Variants in L2HGDH observed in about 807,000 individuals in gnomAD.
L2HGDH encodes the protein L-2-hydroxyglutarate dehydrogenase.
L2HGDH carries 34 observed loss-of-function variants against 51.5 expected under a neutral mutation model. That is an observed-to-expected ratio of 0.66 (90% CI 0.50 to 0.88). L2HGDH has a LOEUF of 0.88. Among genes scored for constraint, L2HGDH ranks in the 40% least tolerant of loss-of-function variants. The pLI, the probability that L2HGDH is intolerant of heterozygous loss-of-function variation, is 0.00. For synonymous variants in L2HGDH, 198 were observed against 197.9 expected, an observed-to-expected ratio of 1.00 and a Z score of -0.01; for missense variants, 558 against 571.9, an observed-to-expected ratio of 0.98 and a Z score of 0.25.
intron 6 of L2HGDH, among the ~76,000 whole-genome samples, chr14:50,275,743 C>T (rs533994501): frequency 1.3e-5 from 2 of 152,310 alleles, no homozygotes; most frequent in East Asian, 1.9e-4. Flanking sequence ...AAATCAGTGA[C>T]TAATATATGG....
At chr14:50,302,262 AC>A in intron 2 of L2HGDH, 94 bp from the exon 3 acceptor site, 1 of 1,309,650 alleles carries the variant, frequency 7.6e-7, no homozygotes, top group Non-Finnish European at 1.1e-6. Flanking sequence ...GCTATTAGAG[AC>A]CACATCATGT....
chr14:50,300,668 A>C lies in L2HGDH; in HGVS notation c.408+1349T>G, dbSNP rs191014981. ...TATTTACAATTTTTGTCAATTAAAA[A>C]ATAATTTTAGGCCAGGCACAGTGGC... On this transcript the variant is annotated intron_variant, in intron 3 of 9. Transcript: ENST00000267436. Among the ~76,000 whole-genome samples the C allele has an allele frequency of 8.3e-4, 127 of 152,182 alleles. 1 individual carries two copies. The highest frequency in any genetic ancestry group is 1.1e-3 in the Non-Finnish European group (78 of 68,008).
chr14:50,243,358 G>T lies in L2HGDH; in HGVS notation c.*3700C>A, dbSNP rs1887871773. 2.0e-6 allele frequency: 2 copies of T among 984,400 alleles called. No individual in the cohort carries two copies. The highest frequency in any genetic ancestry group is 2.4e-6 in the Non-Finnish European group (2 of 829,280). The allele number at this position is 984,400 out of a possible 1,614,324, so 61.0% of individuals were successfully genotyped here. ...TTGTATTATATACTAACACAGAAAT[G>T]AGTTTTTTAAAAAGGTTGGCTGCTA... On this transcript the variant is annotated 3_prime_UTR_variant, in exon 10 of 10. Transcript: ENST00000267436.
intron 6 of L2HGDH, among the ~76,000 whole-genome samples, chr14:50,269,581 G>C (rs1208671528): frequency 1.3e-5 from 2 of 152,120 alleles, no homozygotes; most frequent in African/African-American, 2.4e-5. Context: ...AACCTAGCAA[G>C]GATACTTAGT....
In L2HGDH at chr14:50,265,394, T is replaced by G. The variant is rs1481231615; in HGVS notation, c.1160A>C (p.Lys387Thr). The G allele has an allele frequency of 6.2e-7, 1 of 1,612,510 alleles. No individual in the cohort carries two copies. The highest frequency in any genetic ancestry group is 8.5e-7 in the Non-Finnish European group (1 of 1,178,584). ...FLGATVKYLQKFIPEITISDI... is the reference protein window; with the variant it reads ...FLGATVKYLQTFIPEITISDI... ...ACTGATAGTAATTTCAGGGATGAAT[T>G]TTTGAAGATACTTCACTGTTGCACC... The change falls in exon 9 of 10, where the codon AAA becomes ACA. Residue 387 changes from lysine (K) to threonine (T), a missense_variant. This residue lies in a region of L2HGDH where 321 missense variants were observed against 311.8 expected (regional missense o/e 1.03). Transcript: ENST00000267436.
Position 50,269,271 on chromosome 14 carries a change from A to C in L2HGDH, c.798T>G (p.Ile266Met), listed in dbSNP as rs777273857. 4.3e-6 allele frequency: 7 copies of C among 1,613,926 alleles called. No homozygotes were observed. The highest frequency in any genetic ancestry group is 4.2e-6 in the Non-Finnish European group (5 of 1,179,898). ...CAGGAGTGCAGCCACTCAACTCTGA[A>C]ATACGGTCTGAGTAAAGTCCTGCAC... ...VTCAGLYSDR[I>M]SELSGCTPDP... Residue 266 changes from isoleucine (I) to methionine (M), a missense_variant, in exon 7 of 10, where the codon ATT becomes ATG. Around this residue, in one of 3 missense-constraint regions of L2HGDH, gnomAD observed 321 missense variants for 311.8 expected, o/e 1.03. Coordinates refer to ENST00000267436, the MANE Select transcript of L2HGDH (RefSeq NM_024884.3).
chr14:50,300,564 A>G (rs2030350988), intron 3 of L2HGDH, among the ~76,000 whole-genome samples: 1 of 152,088 alleles, frequency 6.6e-6, no homozygotes, highest in Non-Finnish European at 1.5e-5. Context: ...CAAAGTGCTG[A>G]GATTACAGGC....
intron 4 of L2HGDH, among the ~76,000 whole-genome samples, chr14:50,292,646 C>T (rs919027908): frequency 2.6e-5 from 4 of 152,136 alleles, no homozygotes; most frequent in African/African-American, 9.7e-5. Flanking sequence ...GCAGAGGTTG[C>T]GGTGAGCTGA....
intron 5 of L2HGDH, among the ~76,000 whole-genome samples, chr14:50,279,974 T>C (rs1890172039): frequency 6.6e-6 from 1 of 151,202 alleles, no homozygotes; most frequent in African/African-American, 2.4e-5. Context: ...GCAGGGGAAT[T>C]GCTTGAACCT....
At chr14:50,279,848 G>A (rs1228330531) in intron 5 of L2HGDH, among the ~76,000 whole-genome samples, 1 of 152,028 alleles carries the variant, frequency 6.6e-6, no homozygotes, top group Non-Finnish European at 1.5e-5. Flanking sequence ...ATCACCTGAG[G>A]TCAGGAGTTT....
chr14:50,248,202 A>G (rs1888121367), intron 9 of L2HGDH, among the ~76,000 whole-genome samples: 1 of 152,228 alleles, frequency 6.6e-6, no homozygotes, highest in Non-Finnish European at 1.5e-5. Context: ...TTTGAATCCA[A>G]TGTTTTTGAA....
chr14:50,257,392 C>G (rs900529897), intron 9 of L2HGDH, among the ~76,000 whole-genome samples: 60 of 147,948 alleles, frequency 4.1e-4, no homozygotes, highest in African/African-American at 1.4e-3. Context: ...TTTTTTGAGA[C>G]AGGGTCTTGC....
chr14:50,269,651 G>C (rs1472565554), intron 6 of L2HGDH, among the ~76,000 whole-genome samples: 4 of 152,086 alleles, frequency 2.6e-5, no homozygotes, highest in African/African-American at 9.7e-5. Flanking sequence ...CTGTTTATTA[G>C]GACCTAGCAG....
chr14:50,301,992 T>G (rs1296044353), intron 3 of L2HGDH, 25 bp downstream of exon 3: 1 of 1,612,762 alleles, frequency 6.2e-7, no homozygotes, highest in African/African-American at 1.3e-5. Context: ...TGGAAATTAG[T>G]CAAGGCTCTA....
At chr14:50,260,438 G>T (rs1888951481) in intron 9 of L2HGDH, among the ~76,000 whole-genome samples, 1 of 152,166 alleles carries the variant, frequency 6.6e-6, no homozygotes, top group Non-Finnish European at 1.5e-5. Flanking sequence ...AAGCATTTAA[G>T]ATCTACATAT....
chr14:50,244,940 A>C lies in L2HGDH; in HGVS notation c.*2118T>G. 2 of 985,528 alleles carry C rather than the reference A, an allele frequency of 2.0e-6. No homozygotes were observed. Among genetic ancestry groups the C allele is most frequent in the Non-Finnish European group, 2.4e-6 (2 of 829,918 alleles). The allele number at this position is 985,528 out of a possible 1,614,324, so 61.0% of individuals were successfully genotyped here. ...TCACCTAAATGTGGTTCAGTACTCA[A>C]AGTTCTGCAGTCAGGTCGCCACATT... On this transcript the variant is annotated 3_prime_UTR_variant, in exon 10 of 10. Transcript: ENST00000267436.
chr14:50,300,578 C>T (rs1356290185), intron 3 of L2HGDH, among the ~76,000 whole-genome samples: 1 of 152,102 alleles, frequency 6.6e-6, no homozygotes, highest in African/African-American at 2.4e-5. Flanking sequence ...TACAGGCAGG[C>T]GTGAGCCACC....
At position 50,247,082 on chromosome 14, in the gene L2HGDH, T is replaced by G. The variant is rs1888047019; in HGVS notation, c.1368A>C (p.Glu456Asp). ...TTTATAATTCAAATCTTTGTTGTACTTCATCTGCAATCATTCCAGAAATTG... is the reference window on the plus strand; with the variant it reads ...TTTATAATTCAAATCTTTGTTGTACGTCATCTGCAATCATTCCAGAAATTG... ...SIAISGMIAD[E>D]VQQRFEL The change falls in exon 10 of 10, where the codon GAA becomes GAC. Residue 456 changes from glutamate (E) to aspartate (D), a missense_variant. Glu to Asp is a conservative substitution (Grantham distance 45). Transcript: ENST00000267436. 2 of 1,613,738 alleles carry G rather than the reference T, an allele frequency of 1.2e-6. No homozygotes were observed. Among genetic ancestry groups the G allele is most frequent in the Admixed American group, 1.7e-5 (1 of 60,000 alleles).
intron 9 of L2HGDH, among the ~76,000 whole-genome samples, chr14:50,255,270 C>T (rs1888591362): frequency 6.6e-6 from 1 of 151,892 alleles, no homozygotes; most frequent in Admixed American, 6.6e-5. Flanking sequence ...AAAGGTGGCT[C>T]CCGCCTGTAA....
Sources: allele counts gnomAD v4.1 joint callset (sites outside exome capture counted in the v4.1 genomes callset), GRCh38; gene constraint gnomAD v4.1.1; regional missense constraint gnomAD v4.1.1; transcripts MANE v1.5; gene names NCBI Gene and HGNC (gene_info 2026-07-23, HGNC 2026-07-21).